Variants in ADCY1 observed in about 807,000 individuals in gnomAD.
The protein encoded by ADCY1 is adenylate cyclase type 1.
ADCY1 carries 28 observed loss-of-function variants against 105.4 expected under a neutral mutation model. The ratio of observed to expected loss-of-function variants is 0.27; its 90% CI spans 0.20 to 0.36. The LOEUF is 0.36. Among genes scored for constraint, ADCY1 ranks in the 10% least tolerant of loss-of-function variants. ADCY1 has a pLI of 1.00. For synonymous variants in ADCY1, 655 were observed against 623.8 expected (o/e 1.05, Z -0.75); for missense variants, 977 against 1,434.2 (o/e 0.68, Z 5.15).
chr7:45,694,138 C>A (rs945134017), intron 14 of ADCY1, among the ~76,000 whole-genome samples: 32 of 107,424 alleles, frequency 3.0e-4, no homozygotes, highest in Admixed American at 3.8e-4. Context: ...AAAAAAAAAA[C>A]ACTGTCAACC....
At chr7:45,713,282 C>T (rs1584350361) in intron 19 of ADCY1, among the ~76,000 whole-genome samples, 2 of 152,322 alleles carry the variant, frequency 1.3e-5, no homozygotes, top group Non-Finnish European at 1.5e-5. Flanking sequence ...CATGGAGCCA[C>T]CATGGAAGCT....
intron 2 of ADCY1, among the ~76,000 whole-genome samples, chr7:45,601,904 C>G (rs749942876): frequency 1.3e-5 from 2 of 152,046 alleles, no homozygotes; most frequent in African/African-American, 2.4e-5. Context: ...GCTGAGAACA[C>G]TAACCAGGCT....
At chr7:45,585,236 C>T (rs745674712) in intron 1 of ADCY1, among the ~76,000 whole-genome samples, 1 of 152,236 alleles carries the variant, frequency 6.6e-6, no homozygotes, top group Non-Finnish European at 1.5e-5. Flanking sequence ...TTCTCAAACC[C>T]TACCTGCCCT....
At chr7:45,680,155 A>G (rs1468974352) in intron 11 of ADCY1, among the ~76,000 whole-genome samples, 1 of 152,248 alleles carries the variant, frequency 6.6e-6, no homozygotes, top group African/African-American at 2.4e-5. Flanking sequence ...GGTGGGCACA[A>G]TAGACTGGCG....
At chr7:45,620,435 A>T (rs994443280) in intron 3 of ADCY1, among the ~76,000 whole-genome samples, 2 of 152,232 alleles carry the variant, frequency 1.3e-5, no homozygotes, top group African/African-American at 4.8e-5. Flanking sequence ...CAGGGACTTA[A>T]GGGACACCAT....
chr7:45,677,415 C>T (rs1015179983), intron 8 of ADCY1, among the ~76,000 whole-genome samples: 1 of 152,184 alleles, frequency 6.6e-6, no homozygotes. Flanking sequence ...GGCTCACTCT[C>T]TGTTCCCATC....
intron 1 of ADCY1, among the ~76,000 whole-genome samples, chr7:45,584,240 G>A (rs1441472375): frequency 6.6e-6 from 1 of 152,174 alleles, no homozygotes; most frequent in Non-Finnish European, 1.5e-5. Flanking sequence ...CACCATGCCA[G>A]GCCCTGAGTG....
chr7:45,633,620 G>C (rs1794319671), intron 4 of ADCY1, among the ~76,000 whole-genome samples: 1 of 151,968 alleles, frequency 6.6e-6, no homozygotes, highest in Non-Finnish European at 1.5e-5. Flanking sequence ...TGGCCAACGT[G>C]GTGAAACCCC....
chr7:45,661,497 T>G (rs1006377375), intron 7 of ADCY1, among the ~76,000 whole-genome samples: 3 of 152,028 alleles, frequency 2.0e-5, no homozygotes, highest in Admixed American at 2.0e-4. Flanking sequence ...GGAGCATTCA[T>G]GGGGTCCCAC....
intron 1 of ADCY1, among the ~76,000 whole-genome samples, 177 bp from the exon 2 acceptor site, chr7:45,592,582 C>A (rs575753290): frequency 6.6e-6 from 1 of 152,330 alleles, no homozygotes; most frequent in Admixed American, 6.5e-5. Flanking sequence ...GCCGCCCGGA[C>A]AGGGTGAGGA....
intron 1 of ADCY1, among the ~76,000 whole-genome samples, chr7:45,587,698 G>A (rs758311600): frequency 1.1e-4 from 17 of 152,134 alleles, no homozygotes; most frequent in African/African-American, 2.7e-4. Flanking sequence ...GACCACGAGT[G>A]GTGTCTAGCA....
chr7:45,582,180 A>G (rs894541280), intron 1 of ADCY1, among the ~76,000 whole-genome samples: 2 of 152,236 alleles, frequency 1.3e-5, no homozygotes, highest in African/African-American at 4.8e-5. Flanking sequence ...TTACATGTTC[A>G]TGCTCACCTA....
At chr7:45,615,641 C>T (rs1246962685) in intron 3 of ADCY1, among the ~76,000 whole-genome samples, 1 of 152,024 alleles carries the variant, frequency 6.6e-6, no homozygotes, top group East Asian at 1.9e-4. Flanking sequence ...CTGAAAATAC[C>T]TTCAGACAAA....
chr7:45,593,582 A>G (rs1792988642), intron 2 of ADCY1, among the ~76,000 whole-genome samples: 1 of 152,342 alleles, frequency 6.6e-6, no homozygotes, highest in Middle Eastern at 3.4e-3. Flanking sequence ...AGGAAGGACC[A>G]TCTGGGAGCC....
chr7:45,577,919 G>A (rs185937564), intron 1 of ADCY1, among the ~76,000 whole-genome samples: 226 of 152,324 alleles, frequency 1.5e-3, no homozygotes, highest in African/African-American at 4.9e-3. Flanking sequence ...AAAAGCCTGC[G>A]CTTTCTGAGG....
chr7:45,685,829 G>T, intron 12 of ADCY1, 133 bp from the exon 13 acceptor site: 1 of 1,135,340 alleles, frequency 8.8e-7, no homozygotes, highest in Non-Finnish European at 1.2e-6. Context: ...TCTGTGGCTT[G>T]GTGTGATAGC....
intron 5 of ADCY1, among the ~76,000 whole-genome samples, chr7:45,655,984 G>A (rs527730582): frequency 5.3e-5 from 8 of 152,184 alleles, no homozygotes; most frequent in African/African-American, 1.7e-4. Flanking sequence ...CTGAAAAAAA[G>A]TTAAAATAAA....
At chr7:45,584,487 C>T (rs982649165) in intron 1 of ADCY1, among the ~76,000 whole-genome samples, 2 of 152,208 alleles carry the variant, frequency 1.3e-5, no homozygotes, top group Non-Finnish European at 1.5e-5. Context: ...TGGGACAGAG[C>T]CCCCCGCTGC....
intron 8 of ADCY1, among the ~76,000 whole-genome samples, chr7:45,676,392 A>AT (rs1233826006): frequency 6.6e-6 from 1 of 152,034 alleles, no homozygotes; most frequent in Non-Finnish European, 1.5e-5. Flanking sequence ...TCAAGTTGAC[A>AT]TTTTTTAAGG....
Sources: allele counts gnomAD v4.1 joint callset (sites outside exome capture counted in the v4.1 genomes callset), GRCh38; gene constraint gnomAD v4.1.1; transcripts MANE v1.5; gene names NCBI Gene and HGNC (gene_info 2026-07-23, HGNC 2026-07-21).